SP110: variants seen among roughly 807,000 people sequenced by gnomAD.
The protein encoded by SP110 is interferon-induced protein 41, 30kD.
A neutral mutation model predicts 92.7 loss-of-function variants in SP110; 62 were observed. The observed-to-expected ratio is 0.67, with a 90% CI of 0.55 to 0.83. SP110 has a LOEUF of 0.83. Among genes scored for constraint, SP110 ranks in the 40% least tolerant of loss-of-function variants. SP110 has a pLI of 0.00. For synonymous variants in SP110, 273 were observed against 305.3 expected, an observed-to-expected ratio of 0.89 and a Z score of 1.10; for missense variants, 793 against 863.9, an observed-to-expected ratio of 0.92 and a Z score of 1.03.
intron 10 of SP110, among the ~76,000 whole-genome samples, chr2:230,191,125 G>C (rs952172468): frequency 6.6e-6 from 1 of 151,974 alleles, no homozygotes; most frequent in Non-Finnish European, 1.5e-5. Flanking sequence ...AGAATCTCTG[G>C]GACACAGCTA....
Position 230,215,122 on chromosome 2 carries a change from T to C in SP110, c.148-4A>G. 2 of 1,611,894 alleles carry C rather than the reference T, an allele frequency of 1.2e-6. No homozygotes were observed. Among genetic ancestry groups the C allele is most frequent in the Non-Finnish European group, 1.7e-6 (2 of 1,178,028 alleles). On this transcript the variant is annotated splice_region_variant and splice_polypyrimidine_tract_variant and intron_variant, in intron 2 of 18. Transcript: ENST00000258381. ...TTCTACAGGCTTCCAGAGATTCCTA[T>C]AAAAATGGAGTGAAGGTTTTTATAA... is the stretch of plus-strand genomic sequence containing the variant.
chr2:230,180,160 G>C (rs935964154), intron 12 of SP110, among the ~76,000 whole-genome samples: 1 of 152,204 alleles, frequency 6.6e-6, no homozygotes, highest in African/African-American at 2.4e-5. Context: ...AAACAATGAG[G>C]AGCCTGCTGT....
intron 14 of SP110, 74 bp downstream of exon 14, chr2:230,177,464 A>AT: frequency 3.4e-6 from 5 of 1,476,242 alleles, no homozygotes; most frequent in Non-Finnish European, 4.7e-6. Context: ...AGCTCTTCAC[A>AT]TTTCTGCTCT....
intron 14 of SP110, 101 bp downstream of exon 14, chr2:230,177,437 T>A: frequency 2.5e-6 from 3 of 1,219,764 alleles, no homozygotes; most frequent in South Asian, 2.4e-5. Context: ...TAAATCATGC[T>A]GTTGAATCCT....
Position 230,191,147 on chromosome 2 carries a change from A to C in SP110, c.1130-5004T>G, listed in dbSNP as rs182885143. 3.3e-3 allele frequency among the ~76,000 whole-genome samples: 499 copies of C among 152,320 alleles called. 3 individuals carry two copies. Among genetic ancestry groups the C allele is most frequent in the African/African-American group, 0.011 (477 of 41,574 alleles). On this transcript the variant is annotated intron_variant, in intron 10 of 18. Transcript: ENST00000258381. Reference sequence around the variant, plus strand: ...CTGGGACACAGCTAAAGCAGTGTTAAGAGGAAAACTTGTAGCACTAAATGC... The same window carrying C: ...CTGGGACACAGCTAAAGCAGTGTTACGAGGAAAACTTGTAGCACTAAATGC...
Position 230,201,959 on chromosome 2 carries a change from T to A in SP110, c.1048+620A>T, listed in dbSNP as rs181160436. Among the ~76,000 whole-genome samples, 502 of 152,318 alleles carry A rather than the reference T, an allele frequency of 3.3e-3. 3 individuals carry two copies. The highest frequency in any genetic ancestry group is 0.011 in the African/African-American group (478 of 41,572). ...TTACCTCACCCTTTTAAACTAGATA[T>A]CTGTGTAAGGCCAGATTTTCTTTCT... On this transcript the variant is annotated intron_variant, in intron 9 of 18. Coordinates refer to ENST00000258381, the MANE Select transcript of SP110 (RefSeq NM_080424.4).
chr2:230,169,147 C>T lies in SP110; in HGVS notation c.2119G>A (p.Gly707Ser). 9 of 1,612,870 alleles carry T rather than the reference C, an allele frequency of 5.6e-6. No individual in the cohort carries two copies. Among genetic ancestry groups the T allele is most frequent in the South Asian group, 2.2e-5 (2 of 91,036 alleles). The change falls in exon 19 of 19, where the codon GGC becomes AGC. Residue 707 changes from glycine to serine, a missense_variant. Gly to Ser is a moderately conservative substitution (Grantham distance 56). Transcript: ENST00000258381. ...GGTCAAGGAAGAGTCCAGAAACCGC[C>T]GTCATTGGCTTCATGAAAACCGAGC... Reference protein sequence around the residue: ...DVLGFHEANDGGFWTLP With the variant: ...DVLGFHEANDSGFWTLP
chr2:230,205,189 A>G (rs2043631006), intron 8 of SP110, among the ~76,000 whole-genome samples: 1 of 152,192 alleles, frequency 6.6e-6, no homozygotes, highest in Non-Finnish European at 1.5e-5. Context: ...ACGGATGACT[A>G]AGGTTTTTGC....
chr2:230,219,417 C>T (rs1177509121), intron 1 of SP110: 2 of 152,172 alleles, frequency 1.3e-5, no homozygotes, highest in African/African-American at 4.8e-5. Flanking sequence ...ACATGTGCTC[C>T]TTTGAATTTC....
rs2078340981 is a variant in SP110 at position 230,168,122 on chromosome 2, A to AAAAAAAAAAAAG, written c.*990_*1001dup. The stretch of plus-strand genomic sequence containing the variant: ...AGACTCTGTCTCAAAAAAAAAAAAA[A>AAAAAAAAAAAAG]AAAAAAAAAAAGAAAAAGTGGGCAA... On this transcript the variant is annotated 3_prime_UTR_variant, in exon 19 of 19. Transcript: ENST00000258381. 1.5e-5 allele frequency: 2 copies of AAAAAAAAAAAAG among 135,148 alleles called. 1 individual carries two copies. The highest frequency in any genetic ancestry group is 5.6e-5 in the African/African-American group (2 of 35,782). 8.4% of individuals were successfully genotyped at this position (135,148 alleles called of 1,614,324 possible).
chr2:230,170,021 T>C (rs1442296985), intron 18 of SP110, among the ~76,000 whole-genome samples: 3 of 152,104 alleles, frequency 2.0e-5, no homozygotes, highest in African/African-American at 7.2e-5. Context: ...AAATCTTCCT[T>C]AGGTACCTCC....
chr2:230,215,647 A>G (rs2045068817), intron 2 of SP110, among the ~76,000 whole-genome samples: 1 of 152,222 alleles, frequency 6.6e-6, no homozygotes. Flanking sequence ...AAAAGGAGAA[A>G]TACGGCAAGA....
At chr2:230,217,377 C>T (rs1185763367) in intron 1 of SP110, among the ~76,000 whole-genome samples, 3 of 152,024 alleles carry the variant, frequency 2.0e-5, no homozygotes, top group Admixed American at 2.0e-4. Context: ...AAAGCAATGT[C>T]TGCCTAAAAG....
intron 10 of SP110, among the ~76,000 whole-genome samples, chr2:230,193,626 C>T (rs573125343): frequency 1.3e-5 from 2 of 152,248 alleles, no homozygotes; most frequent in Non-Finnish European, 2.9e-5. Flanking sequence ...CTTAGCTTTG[C>T]CAGATACAAA....
In SP110 at chr2:230,166,929, C is replaced by A. The variant is rs997476077; in HGVS notation, c.*2195G>T. Among the ~76,000 whole-genome samples, 1 of 151,980 alleles carries A rather than the reference C, an allele frequency of 6.6e-6. No homozygotes were observed. Among genetic ancestry groups the A allele is most frequent in the Admixed American group, 6.6e-5 (1 of 15,266 alleles). ...ATGAGTGACTGCTGCTTCCTTTTTC[C>A]CCGTTTGAATGGAAGTGTCTATAGT... On this transcript the variant is annotated 3_prime_UTR_variant, in exon 19 of 19. Coordinates refer to ENST00000258381, the MANE Select transcript of SP110 (RefSeq NM_080424.4).
In SP110 at chr2:230,165,582, C is replaced by CA. The variant is rs534558891; in HGVS notation, c.*3541dup. ...TAGAATAAACATTATAGAGTAAAAG[C>CA]AAAAAAATTAATACTAATTCATGTC... is the stretch of plus-strand genomic sequence containing the variant. On this transcript the variant is annotated 3_prime_UTR_variant, in exon 19 of 19. Transcript: ENST00000258381. Among the ~76,000 whole-genome samples, 545 of 151,070 alleles carry CA rather than the reference C, an allele frequency of 3.6e-3. 8 individuals are homozygous for CA. Among genetic ancestry groups the CA allele is most frequent in the South Asian group, 0.031 (150 of 4,770 alleles).
intron 11 of SP110, 148 bp downstream of exon 11, chr2:230,185,846 C>A: frequency 1.3e-6 from 1 of 795,136 alleles, no homozygotes; most frequent in South Asian, 1.4e-5. Context: ...GTCACATCAA[C>A]AGATCCGTGC....
At chr2:230,199,591 G>A (rs1476053159) in intron 10 of SP110, among the ~76,000 whole-genome samples, 1 of 152,014 alleles carries the variant, frequency 6.6e-6, no homozygotes, top group Non-Finnish European at 1.5e-5. Context: ...GTGAAATCAT[G>A]ATTTTAAAAA....
In SP110 at chr2:230,214,973, G is replaced by A. The variant is rs755163914; in HGVS notation, c.293C>T (p.Thr98Met). Residue 98 changes from threonine (T) to methionine (M), a missense_variant, in exon 3 of 19, where the codon ACG (threonine) becomes ATG (methionine). By Grantham distance (81) the Thr-to-Met change is moderately conservative. Coordinates refer to ENST00000258381, the MANE Select transcript of SP110 (RefSeq NM_080424.4). ...ACCACGTTTGAAGCTTCTGTAAATC[G>A]TCACCAGATTGGGATATTCACGCAG... is the stretch of plus-strand genomic sequence containing the variant. ...INLREYPNLV[T>M]IYRSFKRVGA... 24 of 1,613,802 alleles carry A rather than the reference G, an allele frequency of 1.5e-5. No homozygotes were observed. Among genetic ancestry groups the A allele is most frequent in the Middle Eastern group, 1.6e-4 (1 of 6,082 alleles).
Sources: allele counts gnomAD v4.1 joint callset (sites outside exome capture counted in the v4.1 genomes callset), GRCh38; gene constraint gnomAD v4.1.1; transcripts MANE v1.5; gene names NCBI Gene and HGNC (gene_info 2026-07-23, HGNC 2026-07-21).